SYNPO2L: variants seen among roughly 807,000 people sequenced by gnomAD.
SYNPO2L encodes the protein synaptopodin 2-like protein.
A neutral mutation model predicts 47.5 loss-of-function variants in SYNPO2L; 34 were observed. That is an observed-to-expected ratio of 0.72 (90% CI 0.54 to 0.95). The LOEUF is 0.95. Among genes scored for constraint, SYNPO2L ranks in the 40% least tolerant of loss-of-function variants. SYNPO2L has a pLI of 0.00. For missense variants in SYNPO2L, 1,246 were observed against 1,282.0 expected, an observed-to-expected ratio of 0.97 and a Z score of 0.43; for synonymous variants, 536 against 524.9, an observed-to-expected ratio of 1.02 and a Z score of -0.29.
chr10:73,646,818 G>A lies in SYNPO2L; in HGVS notation c.2834C>T (p.Ser945Phe), dbSNP rs755959209. ...PPEAPRGLGA[S>F]PSSCGFQVAR... ...TACCTGGAAACCGCAGGAGCTGGGA[G>A]AAGCCCCAAGGCCCCTGGGAGCCTC... The change falls in exon 4 of 4, where the codon TCT (serine) becomes TTT (phenylalanine). Residue 945 changes from serine (S) to phenylalanine (F), a missense_variant. This residue lies in a region of SYNPO2L where 1,037 missense variants were observed against 1,021.5 expected (regional missense o/e 1.02). Coordinates refer to ENST00000394810, the MANE Select transcript of SYNPO2L (RefSeq NM_001114133.3). 1.3e-6 allele frequency: 2 copies of A among 1,544,778 alleles called. No individual in the cohort carries two copies. Among genetic ancestry groups the A allele is most frequent in the Non-Finnish European group, 1.7e-6 (2 of 1,148,650 alleles).
chr10:73,654,065 A>G, intron 2 of SYNPO2L, 64 bp downstream of exon 2: 2 of 1,527,298 alleles, frequency 1.3e-6, no homozygotes, highest in South Asian at 1.2e-5. Context: ...CCAGTGAGAC[A>G]TAGAGCTGAG....
rs1266427054 is a variant in SYNPO2L at position 73,645,078 on chromosome 10, A to AC, written c.*1639_*1640insG. The AC allele has an allele frequency of 4.0e-6, 5 of 1,260,596 alleles. No homozygotes were observed. The African/African-American group carries it at 4.8e-5, about 12-fold the overall frequency. 78.1% of individuals were successfully genotyped at this position (1,260,596 alleles called of 1,614,324 possible). A position where few individuals can be genotyped will look rare whatever the true frequency, so the allele number is the denominator to read the frequency against. ...GAAGCAATAGCTGGGGTTTTGAGGG[A>AC]TGGGGTGGGACTGAAAGGAGGTTTT... is the stretch of plus-strand genomic sequence containing the variant. On this transcript the variant is annotated 3_prime_UTR_variant, in exon 4 of 4. Coordinates refer to ENST00000394810, the MANE Select transcript of SYNPO2L (RefSeq NM_001114133.3).
In SYNPO2L at chr10:73,647,990, G is replaced by T; in HGVS notation, c.1662C>A (p.Ala554=). Residue 554 remains alanine (A), a synonymous_variant, in exon 4 of 4, where the codon GCC becomes GCA. Transcript: ENST00000394810. ...CACCTGGGGTGACAGGCCGACTAGG[G>T]GCTGGGATGTACAGGGAGCTGGTGG... ...VTATSSLYIP[A]PSRPVTPGGA... is the part of the protein sequence containing the mutation. The T allele has an allele frequency of 6.4e-7, 1 of 1,564,828 alleles. No homozygotes were observed. Among genetic ancestry groups the T allele is most frequent in the Non-Finnish European group, 8.6e-7 (1 of 1,157,278 alleles).
chr10:73,649,741 G>A, intron 3 of SYNPO2L: 1 of 985,402 alleles, frequency 1.0e-6, no homozygotes, highest in African/African-American at 1.7e-5. Flanking sequence ...AGTTTAGACA[G>A]AAGTTAAAGT....
chr10:73,651,969 G>C (rs889871143), intron 3 of SYNPO2L, among the ~76,000 whole-genome samples: 3 of 150,270 alleles, frequency 2.0e-5, no homozygotes, highest in Non-Finnish European at 4.4e-5. Flanking sequence ...CAGCTACTCG[G>C]GAGGCTGAGG....
intron 3 of SYNPO2L, chr10:73,650,275 T>C (rs1323412704): frequency 8.1e-6 from 8 of 982,076 alleles, no homozygotes; most frequent in Non-Finnish European, 9.7e-6. Flanking sequence ...GAGCGTGGTA[T>C]CTTGAGTGGA....
intron 1 of SYNPO2L, among the ~76,000 whole-genome samples, chr10:73,655,607 G>T (rs12257559): frequency 6.6e-6 from 1 of 151,708 alleles, no homozygotes; most frequent in African/African-American, 2.4e-5. Flanking sequence ...CCTGGAAACC[G>T]CGAATTCTCT....
chr10:73,653,425 G>A lies in SYNPO2L; in HGVS notation c.486C>T (p.Pro162=). 1.3e-6 allele frequency: 2 copies of A among 1,551,500 alleles called. No homozygotes were observed. The highest frequency in any genetic ancestry group is 1.7e-6 in the Non-Finnish European group (2 of 1,146,846). ...EKPRRPRRRG[P]TRPTPPGAPP... ...GGGCACCCGGAGGGGTGGGCCTTGT[G>A]GGGCCTCGGCGGCGAGGTCGACGGG... The change falls in exon 3 of 4, where the codon CCC becomes CCT. Residue 162 remains proline (P), a synonymous_variant. Coordinates refer to ENST00000394810, the MANE Select transcript of SYNPO2L (RefSeq NM_001114133.3).
chr10:73,647,749 G>T lies in SYNPO2L; in HGVS notation c.1903C>A (p.Gln635Lys). 6.2e-7 allele frequency: 1 copy of T among 1,614,048 alleles called. No homozygotes were observed. The highest frequency in any genetic ancestry group is 8.5e-7 in the Non-Finnish European group (1 of 1,179,914). The change falls in exon 4 of 4, where the codon CAG becomes AAG. Residue 635 changes from glutamine to lysine, a missense_variant. Coordinates refer to ENST00000394810, the MANE Select transcript of SYNPO2L (RefSeq NM_001114133.3). ...QEARRRGTRK[Q>K]MFRPGKEETK... Reference sequence around the variant, plus strand: ...TCCTCCTTTCCCGGCCGGAACATCTGCTTCCGGGTCCCCCGGCGCCGGGCC... The same window carrying T: ...TCCTCCTTTCCCGGCCGGAACATCTTCTTCCGGGTCCCCCGGCGCCGGGCC...
intron 3 of SYNPO2L, among the ~76,000 whole-genome samples, chr10:73,652,793 T>A (rs1385212599): frequency 6.6e-6 from 1 of 152,136 alleles, no homozygotes; most frequent in African/African-American, 2.4e-5. Context: ...TGCTTTTAAA[T>A]ACTCCCCTGT....
At position 73,648,301 on chromosome 10, in the gene SYNPO2L, G is replaced by A. The variant is rs780865525; in HGVS notation, c.1351C>T (p.Gln451Ter). 1 of 1,604,142 alleles carries A rather than the reference G, an allele frequency of 6.2e-7. No individual in the cohort carries two copies. The highest frequency in any genetic ancestry group is 8.5e-7 in the Non-Finnish European group (1 of 1,179,484). The change falls in exon 4 of 4, where the codon CAA (glutamine) becomes TAA (stop). Residue 451 changes from glutamine (Q) to a stop codon, truncating the protein, a stop_gained. Coordinates refer to ENST00000394810, the MANE Select transcript of SYNPO2L (RefSeq NM_001114133.3). LOFTEE classifies it low-confidence loss of function (END_TRUNC). ...GGGGTCGGGGCTCCACCACCTGGTT[G>A]GAAGGGTCTGGGGCTGGCTACAGGC... is the stretch of plus-strand genomic sequence containing the variant. The part of the protein sequence containing the change: ...PAPVASPRPF[Q>*]PGGGAPTPAP...
Position 73,647,778 on chromosome 10 carries a change from T to G in SYNPO2L, c.1874A>C (p.Gln625Pro). Residue 625 changes from glutamine (Q) to proline (P), a missense_variant, in exon 4 of 4, where the codon CAG becomes CCG. Physicochemically the swap from Gln to Pro is moderately conservative, Grantham distance 76. This residue lies in a region of SYNPO2L where 1,037 missense variants were observed against 1,021.5 expected (regional missense o/e 1.02). Coordinates refer to ENST00000394810, the MANE Select transcript of SYNPO2L (RefSeq NM_001114133.3). ...SVPAARTGIL[Q>P]EARRRGTRKQ... ...CCGGGTCCCCCGGCGCCGGGCCTCC[T>G]GCAGGATACCCGTGCGGGCAGCTGG... The G allele has an allele frequency of 6.2e-7, 1 of 1,613,262 alleles. No individual in the cohort carries two copies. Among genetic ancestry groups the G allele is most frequent in the Non-Finnish European group, 8.5e-7 (1 of 1,179,450 alleles).
chr10:73,645,229 C>G lies in SYNPO2L; in HGVS notation c.*1489G>C, dbSNP rs560755376. ...TCTTTCAACACTCAGCACACACCCTCACACCTCCCTTCCACCATCATTCCC... is the reference window on the plus strand; with the variant it reads ...TCTTTCAACACTCAGCACACACCCTGACACCTCCCTTCCACCATCATTCCC... On this transcript the variant is annotated 3_prime_UTR_variant, in exon 4 of 4. Transcript: ENST00000394810. 14 of 1,114,074 alleles carry G rather than the reference C, an allele frequency of 1.3e-5. No individual in the cohort carries two copies. The Admixed American group carries it at 7.7e-4, about 62-fold the overall frequency. 69.0% of individuals were successfully genotyped at this position (1,114,074 alleles called of 1,614,324 possible).
Position 73,648,354 on chromosome 10 carries a change from G to C in SYNPO2L, c.1298C>G (p.Ala433Gly). The change falls in exon 4 of 4, where the codon GCT (alanine) becomes GGT (glycine). Residue 433 changes from alanine to glycine, a missense_variant. This residue lies in a region of SYNPO2L where 1,037 missense variants were observed against 1,021.5 expected (regional missense o/e 1.02). Transcript: ENST00000394810. ...CGGCAAGGGGCTGGGTGGGAGCACAGCTGCCTCTGGGGGAGCACTCTGGGC... is the reference window on the plus strand; with the variant it reads ...CGGCAAGGGGCTGGGTGGGAGCACACCTGCCTCTGGGGGAGCACTCTGGGC... ...PRAQSAPPEA[A>G]VLPPSPLPAP... is the part of the protein sequence containing the mutation. The C allele has an allele frequency of 6.2e-7, 1 of 1,605,382 alleles. No individual in the cohort carries two copies. The highest frequency in any genetic ancestry group is 8.5e-7 in the Non-Finnish European group (1 of 1,178,972).
chr10:73,644,900 T>A lies in SYNPO2L; in HGVS notation c.*1818A>T. On this transcript the variant is annotated 3_prime_UTR_variant, in exon 4 of 4. Transcript: ENST00000394810. ...GCAACAGAAGGTATGGGGCATAAAT[T>A]TATTCTTGTGCACAAACCAAAGTAT... 3.8e-6 allele frequency: 3 copies of A among 792,504 alleles called. No individual in the cohort carries two copies. The highest frequency in any genetic ancestry group is 5.2e-6 in the Non-Finnish European group (3 of 575,822). The allele number at this position is 792,504 out of a possible 1,614,324, so 49.1% of individuals were successfully genotyped here.
Position 73,646,690 on chromosome 10 carries a change from T to C in SYNPO2L, c.*28A>G, listed in dbSNP as rs2081754100. The C allele has an allele frequency of 2.8e-6, 4 of 1,423,758 alleles. No individual in the cohort carries two copies. The highest frequency in any genetic ancestry group is 3.7e-6 in the Non-Finnish European group (4 of 1,084,432). The allele number at this position is 1,423,758 out of a possible 1,614,324, so 88.2% of individuals were successfully genotyped here. A position where few individuals can be genotyped will look rare whatever the true frequency, so the allele number is the denominator to read the frequency against. On this transcript the variant is annotated 3_prime_UTR_variant, in exon 4 of 4. Transcript: ENST00000394810. ...AACTTTAGGAACTGGATGTTCCACC[T>C]CTCCTTGGTCCTGGGACCTGTGCCT...
chr10:73,648,841 T>C lies in SYNPO2L; in HGVS notation c.811A>G (p.Lys271Glu), dbSNP rs527349946. Residue 271 changes from lysine to glutamate, a missense_variant, in exon 4 of 4, where the codon AAA becomes GAA. Physicochemically the swap from Lys to Glu is moderately conservative, Grantham distance 56. Around this residue, in one of 3 missense-constraint regions of SYNPO2L, gnomAD observed 1,037 missense variants for 1,021.5 expected, o/e 1.02. Transcript: ENST00000394810. ...RAESLQEKSI[K>E]EAKTKCRTIA... ...GTCCTGCATTTGGTCTTGGCCTCTTTTATGCTCTTCTCTTGGAGGCTCTCT... is the reference window on the plus strand; with the variant it reads ...GTCCTGCATTTGGTCTTGGCCTCTTCTATGCTCTTCTCTTGGAGGCTCTCT... The C allele has an allele frequency of 1.5e-4, 232 of 1,546,850 alleles. No homozygotes were observed. Among genetic ancestry groups the C allele is most frequent in the Non-Finnish European group, 2.0e-4 (227 of 1,145,796 alleles).
chr10:73,650,346 T>C, intron 3 of SYNPO2L: 4 of 741,220 alleles, frequency 5.4e-6, no homozygotes, highest in Non-Finnish European at 6.6e-6. Context: ...TACCACAGAA[T>C]AGTGGTATGG....
Position 73,645,297 on chromosome 10 carries a change from C to G in SYNPO2L, c.*1421G>C. 2 of 1,089,002 alleles carry G rather than the reference C, an allele frequency of 1.8e-6. No individual in the cohort carries two copies. Among genetic ancestry groups the G allele is most frequent in the South Asian group, 2.5e-5 (1 of 40,756 alleles). The allele number at this position is 1,089,002 out of a possible 1,614,324, so 67.5% of individuals were successfully genotyped here. The stretch of plus-strand genomic sequence containing the variant: ...TCTCCCTCAAATTTTTTTCCAATCC[C>G]CCTCTCACACACGGTTGGTTTCTTG... On this transcript the variant is annotated 3_prime_UTR_variant, in exon 4 of 4. Coordinates refer to ENST00000394810, the MANE Select transcript of SYNPO2L (RefSeq NM_001114133.3).
Sources: gnomAD v4.1 joint callset for allele counts (sites outside exome capture counted in the v4.1 genomes callset) on GRCh38, gnomAD v4.1.1 for gene constraint, gnomAD v4.1.1 regional missense constraint, MANE v1.5 for transcripts, NCBI Gene and HGNC (gene_info 2026-07-23, HGNC 2026-07-21) for gene names.